The following REEP1 variants were observed in gnomAD, a reference collection of about 807,000 sequenced individuals.
The protein encoded by REEP1 is receptor expression-enhancing protein 1.
A neutral mutation model predicts 40.3 loss-of-function variants in REEP1; 22 were observed. That is an observed-to-expected ratio of 0.55 (90% CI 0.39 to 0.78). The LOEUF is 0.78. Among genes scored for constraint, REEP1 ranks in the 30% least tolerant of loss-of-function variants. The pLI, the probability that REEP1 is intolerant of heterozygous loss-of-function variation, is 0.00. For missense variants in REEP1, 280 were observed against 361.1 expected, an observed-to-expected ratio of 0.78 and a Z score of 1.82; for synonymous variants, 116 against 139.2, an observed-to-expected ratio of 0.83 and a Z score of 1.17.
At chr2:86,291,931 A>G (rs949993131) in intron 1 of REEP1, among the ~76,000 whole-genome samples, 4 of 152,228 alleles carry the variant, frequency 2.6e-5, no homozygotes, top group South Asian at 4.1e-4. Flanking sequence ...TAAATTTCCA[A>G]TTGATACTGT....
At chr2:86,338,060 C>G, upstream of REEP1, 2 of 1,537,264 alleles carry the variant, frequency 1.3e-6, no homozygotes, top group Non-Finnish European at 1.7e-6. Flanking sequence ...CTGTCCGTTG[C>G]TCAGCACTTT....
At chr2:86,261,440 G>C (rs140431365) in intron 3 of REEP1, among the ~76,000 whole-genome samples, 1 of 152,108 alleles carries the variant, frequency 6.6e-6, no homozygotes, top group African/African-American at 2.4e-5. Context: ...CCCCAACCCC[G>C]TGCTCTCTGA....
chr2:86,254,949 C>T, intron 3 of REEP1, 135 bp from the exon 4 acceptor site: 1 of 910,522 alleles, frequency 1.1e-6, no homozygotes, highest in Non-Finnish European at 1.7e-6. Flanking sequence ...TTCCTCTGTC[C>T]TCCACCTATG....
rs564387967 is a variant in REEP1, at chr2:86,266,576, G to A, written c.106-2535C>T. On this transcript the variant is annotated intron_variant, in intron 2 of 8. Coordinates refer to ENST00000538924, the MANE Select transcript of REEP1 (RefSeq NM_001371279.1). ...GGAGCTTGCAGTGAGCCGAGATTGC[G>A]CCACTGCAGTCCGCAGTCCGGCCTG... is the stretch of plus-strand genomic sequence containing the variant. Among the ~76,000 whole-genome samples, 156 of 151,572 alleles carry A rather than the reference G, an allele frequency of 1.0e-3. 1 individual carries two copies. Among genetic ancestry groups the A allele is most frequent in the African/African-American group, 3.2e-3 (131 of 41,344 alleles).
rs140847328 is a variant in REEP1, at chr2:86,278,697, A to C, written c.105+3473T>G. Among the ~76,000 whole-genome samples the C allele has an allele frequency of 9.3e-4, 141 of 152,278 alleles. 2 individuals are homozygous for C. The highest frequency in any genetic ancestry group is 6.0e-4 in the Non-Finnish European group (41 of 68,018). On this transcript the variant is annotated intron_variant, in intron 2 of 8. Transcript: ENST00000538924. ...TTTGGGCCCCTATCCAGGACTGTGC[A>C]CTGTCAGGGGATGCCTCAAAAGCAC... is the stretch of plus-strand genomic sequence containing the variant.
At chr2:86,226,129 C>T (rs1177710021) in intron 7 of REEP1, among the ~76,000 whole-genome samples, 2 of 109,802 alleles carry the variant, frequency 1.8e-5, no homozygotes, top group Admixed American at 1.1e-4. Context: ...ATCACCACCA[C>T]CACCACCACC....
intron 1 of REEP1, among the ~76,000 whole-genome samples, chr2:86,294,351 AT>A (rs764847652): frequency 2.6e-5 from 4 of 152,354 alleles, no homozygotes; most frequent in African/African-American, 4.8e-5. Flanking sequence ...AACCAAAAAA[AT>A]ATCTGCATGA....
At chr2:86,239,242 A>C (rs370738457) in intron 5 of REEP1, among the ~76,000 whole-genome samples, 46 of 135,350 alleles carry the variant, frequency 3.4e-4, no homozygotes, top group African/African-American at 1.2e-3. Context: ...AAGACATAGG[A>C]GTAATTAAAA....
intron 6 of REEP1, among the ~76,000 whole-genome samples, chr2:86,228,519 C>T (rs567392635): frequency 6.6e-6 from 1 of 151,214 alleles, no homozygotes; most frequent in Non-Finnish European, 1.5e-5. Context: ...AGTGCAATGG[C>T]ATGATCTCAG....
intron 5 of REEP1, among the ~76,000 whole-genome samples, chr2:86,247,841 G>T (rs993909750): frequency 2.0e-5 from 3 of 152,058 alleles, no homozygotes; most frequent in Admixed American, 1.3e-4. Context: ...AAAGTGTTGG[G>T]ATTATAGGAA....
intron 2 of REEP1, among the ~76,000 whole-genome samples, chr2:86,265,916 C>T (rs767133777): frequency 1.3e-5 from 2 of 152,176 alleles, no homozygotes; most frequent in Non-Finnish European, 2.9e-5. Context: ...CAAACCTGCA[C>T]TTGTACCCCC....
intron 6 of REEP1, among the ~76,000 whole-genome samples, chr2:86,228,176 G>A (rs183888745): frequency 6.6e-5 from 10 of 152,252 alleles, no homozygotes; most frequent in African/African-American, 1.4e-4. Flanking sequence ...CTTCTCCAAC[G>A]CCTAGACCCT....
At chr2:86,230,372 G>A (rs1674944018) in intron 6 of REEP1, among the ~76,000 whole-genome samples, 1 of 152,218 alleles carries the variant, frequency 6.6e-6, no homozygotes, top group South Asian at 2.1e-4. Context: ...GGGCCTGGGG[G>A]CCTCAGCCCA....
In REEP1 at chr2:86,217,023, T is replaced by C. The variant is rs377371298; in HGVS notation, c.*16A>G. The C allele has an allele frequency of 4.0e-5, 64 of 1,608,554 alleles. No individual in the cohort carries two copies. Among genetic ancestry groups the C allele is most frequent in the Admixed American group, 6.7e-5 (4 of 59,998 alleles). ...AAGAAACATTCTGTGGATCCGGTGC[T>C]GTTGGCTCATCTCACTCACGTGGTT... On this transcript the variant is annotated 3_prime_UTR_variant, in exon 9 of 9. Coordinates refer to ENST00000538924, the MANE Select transcript of REEP1 (RefSeq NM_001371279.1).
chr2:86,256,775 T>A (rs1403602020), intron 3 of REEP1, among the ~76,000 whole-genome samples: 2 of 152,116 alleles, frequency 1.3e-5, no homozygotes, highest in African/African-American at 2.4e-5. Flanking sequence ...TTACCCACAC[T>A]CGCTTAAAAC....
intron 1 of REEP1, among the ~76,000 whole-genome samples, chr2:86,295,814 C>A (rs1678954056): frequency 6.6e-6 from 1 of 152,218 alleles, no homozygotes; most frequent in Non-Finnish European, 1.5e-5. Flanking sequence ...GCTAGGATTA[C>A]AGGCGTGAGC....
intron 2 of REEP1, among the ~76,000 whole-genome samples, chr2:86,266,650 TAAA>T (rs929060651): frequency 6.9e-6 from 1 of 145,788 alleles, no homozygotes; most frequent in Non-Finnish European, 1.5e-5. Flanking sequence ...AAAATAAAAA[TAAA>T]AAAAATAAAA....
intron 1 of REEP1, among the ~76,000 whole-genome samples, chr2:86,298,711 G>A (rs142420131): frequency 4.6e-5 from 7 of 152,340 alleles, no homozygotes; most frequent in Admixed American, 2.0e-4. Flanking sequence ...ACAACGGTGC[G>A]CAGAGCAAAG....
intron 6 of REEP1, 129 bp downstream of exon 6, chr2:86,232,496 G>T: frequency 8.7e-7 from 1 of 1,147,130 alleles, no homozygotes; most frequent in Admixed American, 1.9e-5. Context: ...GGCATGATCT[G>T]ATGGACACCC....
Sources: gnomAD v4.1 joint callset for allele counts (sites outside exome capture counted in the v4.1 genomes callset) on GRCh38, gnomAD v4.1.1 for gene constraint, MANE v1.5 for transcripts, NCBI Gene and HGNC (gene_info 2026-07-23, HGNC 2026-07-21) for gene names.